The following LRBA variants were observed in gnomAD, a reference collection of about 807,000 sequenced individuals.
LRBA encodes lipopolysaccharide-responsive and beige-like anchor protein.
LRBA carries 176 observed loss-of-function variants against 330.0 expected under a neutral mutation model. The ratio of observed to expected loss-of-function variants is 0.53; its 90% CI spans 0.47 to 0.60. LRBA has a LOEUF of 0.60. LRBA is among the 20% of genes least tolerant of loss of function. LRBA has a pLI of 0.00. For synonymous variants in LRBA, 1,230 were observed against 1,193.0 expected (o/e 1.03, Z -0.64); for missense variants, 3,259 against 3,444.8 (o/e 0.95, Z 1.35).
chr4:150,293,981 C>T (rs1289090716), intron 53 of LRBA, among the ~76,000 whole-genome samples: 2 of 152,156 alleles, frequency 1.3e-5, no homozygotes, highest in Non-Finnish European at 2.9e-5. Context: ...ATATAACATA[C>T]AAAATATGTG....
chr4:150,487,900 G>A (rs1292460870), intron 41 of LRBA, 66 bp from the exon 42 acceptor site: 1 of 752,744 alleles, frequency 1.3e-6, no homozygotes, highest in South Asian at 2.0e-5. Flanking sequence ...CTGACTCCTT[G>A]GTCCAATAAA....
intron 30 of LRBA, among the ~76,000 whole-genome samples, chr4:150,825,253 T>C (rs1182516214): frequency 6.6e-6 from 1 of 152,212 alleles, no homozygotes; most frequent in Non-Finnish European, 1.5e-5. Flanking sequence ...CATACTGTAC[T>C]ACTGTAATAA....
chr4:150,273,477 G>A (rs971843614), intron 56 of LRBA, among the ~76,000 whole-genome samples: 2 of 152,160 alleles, frequency 1.3e-5, no homozygotes, highest in African/African-American at 4.8e-5. Context: ...AACTTTAAAT[G>A]TAAATGGACT....
intron 40 of LRBA, among the ~76,000 whole-genome samples, chr4:150,534,495 C>T (rs537144517): frequency 4.0e-5 from 6 of 151,818 alleles, no homozygotes; most frequent in African/African-American, 1.4e-4. Context: ...AGATACTTGT[C>T]ATGTTAGGCA....
chr4:150,711,560 A>G (rs1022132020), intron 36 of LRBA, among the ~76,000 whole-genome samples: 1 of 152,168 alleles, frequency 6.6e-6, no homozygotes, highest in South Asian at 2.1e-4. Context: ...TGCAACCACA[A>G]TATAATTTCA....
intron 2 of LRBA, among the ~76,000 whole-genome samples, chr4:150,933,030 A>G (rs1734682398): frequency 6.6e-6 from 1 of 152,206 alleles, no homozygotes; most frequent in Non-Finnish European, 1.5e-5. Flanking sequence ...ACATTTATGT[A>G]TCTAACATAA....
intron 40 of LRBA, among the ~76,000 whole-genome samples, chr4:150,573,273 A>G (rs1016610976): frequency 6.6e-6 from 1 of 152,196 alleles, no homozygotes; most frequent in Non-Finnish European, 1.5e-5. Flanking sequence ...ACACAACTCC[A>G]GCACCCTTAA....
intron 2 of LRBA, 47 bp from the exon 3 acceptor site, chr4:150,929,112 A>G (rs1049782385): frequency 4.3e-6 from 5 of 1,150,666 alleles, no homozygotes; most frequent in Admixed American, 3.6e-5. Flanking sequence ...AGTATCCTCA[A>G]TATCACTATA....
At chr4:150,636,499 GT>G (rs1173694898) in intron 37 of LRBA, among the ~76,000 whole-genome samples, 1 of 152,060 alleles carries the variant, frequency 6.6e-6, no homozygotes, top group Non-Finnish European at 1.5e-5. Context: ...TCATCTTATA[GT>G]TTCCCTGCCA....
intron 40 of LRBA, among the ~76,000 whole-genome samples, chr4:150,491,778 CT>C (rs1420655456): frequency 6.6e-6 from 1 of 152,088 alleles, no homozygotes; most frequent in Non-Finnish European, 1.5e-5. Context: ...CACTTTGTTG[CT>C]TTGATTCAAG....
chr4:150,686,782 CA>C (rs1783661030), intron 36 of LRBA, among the ~76,000 whole-genome samples: 1 of 151,900 alleles, frequency 6.6e-6, no homozygotes. Flanking sequence ...TAAAAGTAAC[CA>C]AAAACACATT....
At chr4:150,548,161 C>T (rs1766077791) in intron 40 of LRBA, among the ~76,000 whole-genome samples, 1 of 152,136 alleles carries the variant, frequency 6.6e-6, no homozygotes, top group Non-Finnish European at 1.5e-5. Flanking sequence ...AAATACATTT[C>T]GTTCTTATCA....
chr4:150,981,137 G>A (rs543159790), intron 2 of LRBA, among the ~76,000 whole-genome samples: 2 of 151,648 alleles, frequency 1.3e-5, no homozygotes, highest in South Asian at 2.1e-4. Flanking sequence ...ACATTAGCTC[G>A]GCGCAGTGGC....
chr4:150,859,481 A>C (rs940093440), intron 22 of LRBA, among the ~76,000 whole-genome samples: 4 of 152,198 alleles, frequency 2.6e-5, no homozygotes, highest in Admixed American at 6.5e-5. Flanking sequence ...AAACAAACAA[A>C]AAAAAATGAA....
chr4:150,423,451 C>T (rs563223398), intron 46 of LRBA: 30 of 589,842 alleles, frequency 5.1e-5, no homozygotes, highest in Non-Finnish European at 6.4e-5. Flanking sequence ...CTGTTGCCAG[C>T]GGGCCCCATT....
At chr4:150,739,482 C>T (rs1425469589) in intron 35 of LRBA, among the ~76,000 whole-genome samples, 2 of 152,166 alleles carry the variant, frequency 1.3e-5, no homozygotes, top group Non-Finnish European at 2.9e-5. Flanking sequence ...GATCACTCTG[C>T]AAGAAGCTCT....
Position 150,467,802 on chromosome 4 carries a change from T to A in LRBA, c.6668-17A>T. The A allele has an allele frequency of 9.0e-7, 1 of 1,106,326 alleles. No homozygotes were observed. 68.5% of individuals were successfully genotyped at this position (1,106,326 alleles called of 1,614,324 possible). A position where few individuals can be genotyped will look rare whatever the true frequency, so the allele number is the denominator to read the frequency against. Reference sequence around the variant, plus strand: ...AACTCCGTCCTGATAGGGAAAAAAGTTACTCGTAATTTATAATTTTAAAAG... The same window carrying A: ...AACTCCGTCCTGATAGGGAAAAAAGATACTCGTAATTTATAATTTTAAAAG... On this transcript the variant is annotated splice_polypyrimidine_tract_variant and intron_variant, in intron 43 of 56. Transcript: ENST00000651943.
intron 30 of LRBA, among the ~76,000 whole-genome samples, chr4:150,827,857 C>T (rs957601361): frequency 1.8e-4 from 28 of 152,234 alleles, no homozygotes; most frequent in Admixed American, 1.5e-3. Flanking sequence ...ACACTTCAAC[C>T]TCCCAAAATG....
In LRBA at chr4:150,977,157, C is replaced by T. The variant is rs187860698; in HGVS notation, c.216+37270G>A. ...GCTGGGGCAGCTAAGGAAGTACTTG[C>T]GCCACTCCTCTCCAACCCCTGGCAG... is the stretch of plus-strand genomic sequence containing the variant. On this transcript the variant is annotated intron_variant, in intron 2 of 56. Transcript: ENST00000651943. Among the ~76,000 whole-genome samples the T allele has an allele frequency of 1.5e-3, 222 of 152,304 alleles. 2 individuals are homozygous for T. The highest frequency in any genetic ancestry group is 2.3e-3 in the Non-Finnish European group (156 of 68,032).
Sources: allele counts gnomAD v4.1 joint callset (sites outside exome capture counted in the v4.1 genomes callset), GRCh38; gene constraint gnomAD v4.1.1; transcripts MANE v1.5; gene names NCBI Gene and HGNC (gene_info 2026-07-23, HGNC 2026-07-21).